The following SLC26A7 variants were observed in gnomAD, a reference collection of about 807,000 sequenced individuals.
SLC26A7 encodes anion exchange transporter.
SLC26A7 carries 59 observed loss-of-function variants against 82.5 expected under a neutral mutation model. The observed-to-expected ratio is 0.72, with a 90% CI of 0.58 to 0.89. The LOEUF (loss-of-function observed/expected upper bound fraction) is 0.89. SLC26A7 is among the 40% of genes least tolerant of loss of function. The probability of loss-of-function intolerance (pLI) is 0.00; values close to 1 mark genes in which losing one functional copy is unlikely to be tolerated. For missense variants in SLC26A7, 820 were observed against 793.0 expected, an observed-to-expected ratio of 1.03 and a Z score of -0.41; for synonymous variants, 271 against 274.3, an observed-to-expected ratio of 0.99 and a Z score of 0.12.
At chr8:91,340,249 G>A (rs1341469842) in intron 7 of SLC26A7, among the ~76,000 whole-genome samples, 155 bp from the exon 8 acceptor site, 2 of 152,290 alleles carry the variant, frequency 1.3e-5, no homozygotes, top group African/African-American at 4.8e-5. Context: ...TGTTGAAAAC[G>A]AAGGGCTTCT....
intron 2 of SLC26A7, among the ~76,000 whole-genome samples, chr8:91,262,577 C>A (rs1324675903): frequency 6.6e-6 from 1 of 151,962 alleles, no homozygotes; most frequent in African/African-American, 2.4e-5. Context: ...GTGTTGGTGT[C>A]CCCCGTCCTC....
rs535942499 is a variant in SLC26A7 at position 91,236,536 on chromosome 8, A to G, written c.-33-13083A>G. On this transcript the variant is annotated intron_variant, in intron 2 of 5. Coordinates refer to the SLC26A7 transcript ENST00000522862. ...GAAAATATTACCATCAACATTCATCACTGATATAAATTCAATAACTTCTGT... is the reference window on the plus strand; with the variant it reads ...GAAAATATTACCATCAACATTCATCGCTGATATAAATTCAATAACTTCTGT... Among the ~76,000 whole-genome samples the G allele has an allele frequency of 6.0e-5, 9 of 149,752 alleles. 2 individuals are homozygous for G. The highest frequency in any genetic ancestry group is 2.2e-4 in the African/African-American group (9 of 40,700).
chr8:91,247,565 T>C (rs188948072), upstream of SLC26A7, among the ~76,000 whole-genome samples: 1 of 152,146 alleles, frequency 6.6e-6, no homozygotes, highest in Non-Finnish European at 1.5e-5. Flanking sequence ...CAAAAAAGAT[T>C]TTTAGGAAAG....
In SLC26A7 at chr8:91,294,707, T is replaced by A. The variant is rs138002680; in HGVS notation, c.305-824T>A. ...GTTCACCAGGCTGCATTCTCAGGCA[T>A]GCTGTGCCAAGATGAGAGGCTTCAG... On this transcript the variant is annotated intron_variant, in intron 3 of 18. Coordinates refer to ENST00000276609, the MANE Select transcript of SLC26A7 (RefSeq NM_052832.4). Among the ~76,000 whole-genome samples the A allele has an allele frequency of 6.6e-5, 10 of 152,286 alleles. No homozygotes were observed. In the East Asian group the frequency reaches 1.9e-3, roughly 29 times the overall value.
intron 2 of SLC26A7, among the ~76,000 whole-genome samples, chr8:91,257,186 A>G (rs1810828425): frequency 6.6e-6 from 1 of 152,114 alleles, no homozygotes; most frequent in Admixed American, 6.6e-5. Context: ...TGCTACATAG[A>G]GTAGCTTAGG....
At chr8:91,333,861 C>G (rs578235553) in intron 5 of SLC26A7, among the ~76,000 whole-genome samples, 10 of 152,222 alleles carry the variant, frequency 6.6e-5, no homozygotes, top group African/African-American at 2.4e-4. Flanking sequence ...AGTTAAATGC[C>G]AGCTCTTAAC....
At chr8:91,392,031 A>G (rs1027484862) in intron 16 of SLC26A7, among the ~76,000 whole-genome samples, 2 of 152,184 alleles carry the variant, frequency 1.3e-5, no homozygotes, top group African/African-American at 4.8e-5. Flanking sequence ...GGACATGTTG[A>G]AAAAAGACTT....
intron 11 of SLC26A7, among the ~76,000 whole-genome samples, chr8:91,358,726 A>G (rs1259584458): frequency 1.3e-5 from 2 of 152,222 alleles, no homozygotes; most frequent in Non-Finnish European, 2.9e-5. Flanking sequence ...TGTGGCACAT[A>G]CACACCATGG....
chr8:91,294,948 A>G (rs1233203827), intron 3 of SLC26A7, among the ~76,000 whole-genome samples: 1 of 152,230 alleles, frequency 6.6e-6, no homozygotes, highest in East Asian at 1.9e-4. Context: ...CCTAGTTGGG[A>G]GGATCTGGGA....
At chr8:91,361,116 G>A (rs1814038459) in intron 11 of SLC26A7, among the ~76,000 whole-genome samples, 1 of 152,070 alleles carries the variant, frequency 6.6e-6, no homozygotes, top group African/African-American at 2.4e-5. Flanking sequence ...ATGTGTGTTT[G>A]TCCTACATCA....
intron 4 of SLC26A7, among the ~76,000 whole-genome samples, chr8:91,315,391 C>T (rs1812599485): frequency 6.7e-6 from 1 of 148,702 alleles, no homozygotes; most frequent in Admixed American, 6.8e-5. Context: ...ATAATTGGTT[C>T]AATGTTTTTC....
intron 1 of SLC26A7, among the ~76,000 whole-genome samples, chr8:91,215,884 C>T (rs899523551): frequency 2.6e-5 from 4 of 151,992 alleles, no homozygotes; most frequent in African/African-American, 7.3e-5. Context: ...ATATGTCGTA[C>T]CAGTAGAAAC....
intron 2 of SLC26A7, among the ~76,000 whole-genome samples, chr8:91,267,783 C>T (rs1811155639): frequency 6.6e-6 from 1 of 151,216 alleles, no homozygotes; most frequent in East Asian, 1.9e-4. Flanking sequence ...TTTGTTATTT[C>T]CTTTTACTAA....
chr8:91,272,862 G>A (rs1811308585), intron 2 of SLC26A7, among the ~76,000 whole-genome samples: 1 of 152,140 alleles, frequency 6.6e-6, no homozygotes, highest in South Asian at 2.1e-4. Context: ...CTTGGAAGAG[G>A]CAAGAGGCTA....
intron 16 of SLC26A7, among the ~76,000 whole-genome samples, chr8:91,393,518 T>C (rs1245672063): frequency 6.6e-6 from 1 of 152,112 alleles, no homozygotes; most frequent in Non-Finnish European, 1.5e-5. Flanking sequence ...ATATCATTCT[T>C]ATAGGGCAGC....
chr8:91,301,618 A>C (rs1025969355), intron 4 of SLC26A7, among the ~76,000 whole-genome samples: 26 of 152,022 alleles, frequency 1.7e-4, no homozygotes, highest in Admixed American at 4.6e-4. Flanking sequence ...TGATCCAGGC[A>C]GCTAGTGGTT....
intron 4 of SLC26A7, among the ~76,000 whole-genome samples, chr8:91,312,641 C>G (rs912069502): frequency 1.3e-5 from 2 of 149,542 alleles, no homozygotes; most frequent in African/African-American, 4.9e-5. Context: ...GTAGGTGTGT[C>G]TGTGTGTGTG....
chr8:91,362,606 GACAA>G (rs1263783145), intron 12 of SLC26A7, 147 bp downstream of exon 12: 6 of 574,978 alleles, frequency 1.0e-5, no homozygotes, highest in African/African-American at 5.6e-5. Context: ...GAAAACTAGA[GACAA>G]ACAGATAAGA....
intron 14 of SLC26A7, among the ~76,000 whole-genome samples, chr8:91,369,405 G>A (rs1380046537): frequency 6.6e-6 from 1 of 150,772 alleles, no homozygotes; most frequent in Non-Finnish European, 1.5e-5. Context: ...TCATGTAGTG[G>A]TAGTATATAT....
Sources: allele counts gnomAD v4.1 joint callset (sites outside exome capture counted in the v4.1 genomes callset), GRCh38; gene constraint gnomAD v4.1.1; transcripts MANE v1.5; gene names NCBI Gene and HGNC (gene_info 2026-07-23, HGNC 2026-07-21).